DCHS2: variants seen among roughly 807,000 people sequenced by gnomAD.
DCHS2 encodes protocadherin-23.
DCHS2 carries 142 observed loss-of-function variants against 182.4 expected under a neutral mutation model. The ratio of observed to expected loss-of-function variants is 0.78; its 90% CI spans 0.68 to 0.89. The LOEUF is 0.89. Ranked by LOEUF, DCHS2 falls within the 40% of genes least tolerant of loss-of-function variation. DCHS2 has a pLI of 0.00. For missense variants in DCHS2, 4,319 were observed against 4,198.6 expected, an observed-to-expected ratio of 1.03 and a Z score of -0.79; for synonymous variants, 1,740 against 1,663.3, an observed-to-expected ratio of 1.05 and a Z score of -1.12.
At position 154,395,028 on chromosome 4, in the gene DCHS2, G is replaced by A. The variant is rs7667458; in HGVS notation, c.2053-17584C>T. On this transcript the variant is annotated intron_variant, in intron 1 of 19. Coordinates refer to ENST00000357232, the MANE Select transcript of DCHS2 (RefSeq NM_001358235.2). Reference sequence around the variant, plus strand: ...GGACTCTGTAGCAAGGACAAAAGGCGTGAGACTGTAGGACAGGCAACTACT... The same window carrying A: ...GGACTCTGTAGCAAGGACAAAAGGCATGAGACTGTAGGACAGGCAACTACT... 1.8e-3 allele frequency among the ~76,000 whole-genome samples: 278 copies of A among 152,178 alleles called. 3 individuals are homozygous for A. Among genetic ancestry groups the A allele is most frequent in the African/African-American group, 6.2e-3 (259 of 41,548 alleles).
chr4:154,487,844 A>G (rs1296326006), intron 1 of DCHS2, among the ~76,000 whole-genome samples: 1 of 152,224 alleles, frequency 6.6e-6, no homozygotes, highest in Admixed American at 6.5e-5. Flanking sequence ...CAGAGTAAAT[A>G]AATCAGTCTT....
At chr4:154,261,079 G>T (rs916620472) in intron 14 of DCHS2, among the ~76,000 whole-genome samples, 1 of 152,128 alleles carries the variant, frequency 6.6e-6, no homozygotes, top group South Asian at 2.1e-4. Flanking sequence ...CCATCAAATA[G>T]AGAGTTTCTG....
chr4:154,325,734 G>A (rs1736256530), intron 7 of DCHS2, among the ~76,000 whole-genome samples: 1 of 152,110 alleles, frequency 6.6e-6, no homozygotes. Context: ...CTGAGAACTT[G>A]GGAAGACATT....
chr4:154,349,762 A>G (rs1035188999), intron 3 of DCHS2, among the ~76,000 whole-genome samples: 7 of 152,206 alleles, frequency 4.6e-5, no homozygotes, highest in Admixed American at 1.3e-4. Context: ...TTCACATGAT[A>G]TGTATTTAAA....
At chr4:154,409,938 A>C (rs1437010605) in intron 1 of DCHS2, among the ~76,000 whole-genome samples, 3 of 152,342 alleles carry the variant, frequency 2.0e-5, no homozygotes, top group African/African-American at 7.2e-5. Context: ...ACCTGCACAG[A>C]TGCTATACCA....
intron 1 of DCHS2, among the ~76,000 whole-genome samples, chr4:154,420,382 A>T (rs1349164799): frequency 2.6e-5 from 4 of 152,218 alleles, no homozygotes; most frequent in African/African-American, 7.2e-5. Flanking sequence ...ATAGAAGCCA[A>T]GAAGTTCCAC....
intron 3 of DCHS2, 57 bp downstream of exon 3, chr4:154,366,153 A>G (rs1730340419): frequency 1.4e-6 from 2 of 1,406,724 alleles, no homozygotes; most frequent in Non-Finnish European, 1.0e-6. Flanking sequence ...CTGGCTGTTA[A>G]GTAGTTAAGC....
chr4:154,300,189 G>C (rs956096676), intron 12 of DCHS2, among the ~76,000 whole-genome samples: 2 of 152,096 alleles, frequency 1.3e-5, no homozygotes, highest in African/African-American at 4.8e-5. Context: ...GTAGGAAAAG[G>C]GCTGGCAGTA....
intron 2 of DCHS2, chr4:154,374,221 T>A: frequency 2.3e-6 from 1 of 430,726 alleles, no homozygotes; most frequent in Non-Finnish European, 4.2e-6. Flanking sequence ...CAAGGATCTC[T>A]GTGTCCTGCA....
At chr4:154,486,727 A>G (rs114558638) in intron 1 of DCHS2, among the ~76,000 whole-genome samples, 2,099 of 152,244 alleles carry the variant, frequency 0.014, 47 homozygotes, top group African/African-American at 0.047. Context: ...TCATATGGAA[A>G]TTAGGGGGTA....
intron 9 of DCHS2, among the ~76,000 whole-genome samples, chr4:154,318,014 G>C (rs920148759): frequency 3.3e-5 from 5 of 152,072 alleles, no homozygotes; most frequent in African/African-American, 9.7e-5. Flanking sequence ...CAATGCTGTT[G>C]ATTTGTCATA....
chr4:154,443,604 A>T (rs926685626), intron 1 of DCHS2, among the ~76,000 whole-genome samples: 1 of 152,154 alleles, frequency 6.6e-6, no homozygotes, highest in African/African-American at 2.4e-5. Flanking sequence ...GATTAATTGT[A>T]CCCTCTCCAC....
chr4:154,373,007 T>C (rs1351659063), intron 2 of DCHS2, among the ~76,000 whole-genome samples: 1 of 152,168 alleles, frequency 6.6e-6, no homozygotes, highest in African/African-American at 2.4e-5. Context: ...TTTCAGGACA[T>C]TTATTACAAA....
Position 154,491,102 on chromosome 4 carries a change from T to A in DCHS2, c.254A>T (p.Asp85Val). The change falls in exon 1 of 20, where the codon GAC becomes GTC. Residue 85 changes from aspartate (D) to valine (V), a missense_variant. Transcript: ENST00000357232. ...CGCGGCCGGCAGCCCGGCGCGGATGTCACCTACCAGCGTGTCCGGGGGAAG... is the reference window on the plus strand; with the variant it reads ...CGCGGCCGGCAGCCCGGCGCGGATGACACCTACCAGCGTGTCCGGGGGAAG... ...EGLPPDTLVG[D>V]IRAGLPAAQQ... 6.4e-7 allele frequency: 1 copy of A among 1,551,308 alleles called. No homozygotes were observed. The highest frequency in any genetic ancestry group is 1.2e-5 in the South Asian group (1 of 84,048).
chr4:154,386,272 CTT>C (rs1238471394), intron 1 of DCHS2, among the ~76,000 whole-genome samples: 2 of 152,210 alleles, frequency 1.3e-5, no homozygotes, highest in Admixed American at 1.3e-4. Flanking sequence ...CTGTCCGACT[CTT>C]TCACTCCCCT....
At position 154,305,218 on chromosome 4, in the gene DCHS2, C is replaced by T. The variant is rs909313377; in HGVS notation, c.5274G>A (p.Lys1758=). The T allele has an allele frequency of 6.2e-6, 10 of 1,609,130 alleles. No homozygotes were observed. Among genetic ancestry groups the T allele is most frequent in the African/African-American group, 4.0e-5 (3 of 74,694 alleles). The part of the protein sequence containing the change: ...ALDRDSGVNS[K]LQFEIMPGAS... The stretch of plus-strand genomic sequence containing the variant: ...CACCTGGCATGATTTCAAACTGAAG[C>T]TTGGAATTGACTCCTTAAGAAAAAT... Residue 1758 remains lysine (K), a synonymous_variant, in exon 11 of 20, where the codon AAG becomes AAA. Coordinates refer to ENST00000357232, the MANE Select transcript of DCHS2 (RefSeq NM_001358235.2).
rs371502851 is a variant in DCHS2, at chr4:154,489,526, G to A, written c.1830C>T (p.Ser610=). The change falls in exon 1 of 20, where the codon TCC becomes TCT. Residue 610 remains serine, a synonymous_variant. Transcript: ENST00000357232. The part of the protein sequence containing the change: ...AECGPSFAID[S]ESGAISTIRT... ...GGATAGTGCTGATCGCACCGCTTTC[G>A]GAATCAATGGCAAAAGATGGTCCAC... 164 of 1,551,644 alleles carry A rather than the reference G, an allele frequency of 1.1e-4. 5 individuals carry two copies. The highest frequency in any genetic ancestry group is 9.0e-4 in the East Asian group (37 of 40,898).
Position 154,333,376 on chromosome 4 carries a change from G to T in DCHS2, c.2832C>A (p.Pro944=). 1 of 1,614,162 alleles carries T rather than the reference G, an allele frequency of 6.2e-7. No individual in the cohort carries two copies. Among genetic ancestry groups the T allele is most frequent in the Non-Finnish European group, 8.5e-7 (1 of 1,180,048 alleles). ...GCGCCTGCACCGTGAGCACAACCAC[G>T]GGCTGCGTCTCGTGATCCAGGGGCT... ...TRKPLDHETQ[P]VVVLTVQAQL... The change falls in exon 5 of 20, where the codon CCC becomes CCA. Residue 944 remains proline, a synonymous_variant. Transcript: ENST00000357232.
At chr4:154,269,844 G>A in intron 14 of DCHS2, 56 bp downstream of exon 14, 1 of 1,563,172 alleles carries the variant, frequency 6.4e-7, no homozygotes, top group Non-Finnish European at 8.6e-7. Flanking sequence ...AAATTTTGCA[G>A]AAATAACATT....
Sources: allele counts gnomAD v4.1 joint callset (sites outside exome capture counted in the v4.1 genomes callset), GRCh38; gene constraint gnomAD v4.1.1; transcripts MANE v1.5; gene names NCBI Gene and HGNC (gene_info 2026-07-23, HGNC 2026-07-21).